Variants in CNTNAP3 observed in about 807,000 individuals in gnomAD.
CNTNAP3 encodes contactin associated protein family member 3, also known as contactin-associated protein-like 3.
CNTNAP3 carries 36 observed loss-of-function variants against 92.1 expected under a neutral mutation model. That is an observed-to-expected ratio of 0.39 (90% CI 0.30 to 0.52). CNTNAP3 has a LOEUF of 0.52. Among genes scored for constraint, CNTNAP3 ranks in the 20% least tolerant of loss-of-function variants. The pLI, the probability that CNTNAP3 is intolerant of heterozygous loss-of-function variation, is 0.76. For missense variants in CNTNAP3, 534 were observed against 1,069.6 expected (o/e 0.50, Z 6.98); for synonymous variants, 232 against 422.3 (o/e 0.55, Z 5.53).
rs568803072 is a variant in CNTNAP3, at chr9:39,165,571, GCTAA to G, written c.1477+358_1477+361del. On this transcript the variant is annotated intron_variant, in intron 9 of 23. Coordinates refer to ENST00000297668, the MANE Select transcript of CNTNAP3 (RefSeq NM_033655.5). Reference sequence around the variant, plus strand: ...AGTACGATTTGTTTTGTTTTTATGAGCTAACTGTTAGAAGTATAAATGGATTTAT... The same window carrying G: ...AGTACGATTTGTTTTGTTTTTATGAGCTGTTAGAAGTATAAATGGATTTAT... 1.2e-4 allele frequency among the ~76,000 whole-genome samples: 17 copies of G among 141,998 alleles called. 1 individual carries two copies. Among genetic ancestry groups the G allele is most frequent in the East Asian group, 6.3e-4 (3 of 4,796 alleles). The allele number at this position is 141,998 out of a possible 152,430, so 93.2% of individuals were successfully genotyped here. A position where few individuals can be genotyped will look rare whatever the true frequency, so the allele number is the denominator to read the frequency against.
At chr9:39,157,546 C>T (rs993819589) in intron 9 of CNTNAP3, among the ~76,000 whole-genome samples, 1 of 106,822 alleles carries the variant, frequency 9.4e-6, no homozygotes, top group Non-Finnish European at 2.1e-5. Context: ...CGGGGTTTCA[C>T]CATGTTAGCC....
rs1270860797 is a variant in CNTNAP3 at position 39,145,336 on chromosome 9, T to G, written c.1650-990A>C. 2.9e-5 allele frequency among the ~76,000 whole-genome samples: 4 copies of G among 137,920 alleles called. No homozygotes were observed. In the East Asian group the frequency reaches 9.0e-4, roughly 31 times the overall value. 90.5% of individuals were successfully genotyped at this position (137,920 alleles called of 152,430 possible). ...CTAAGGACCTGGTAAAGAGTGAAGA[T>G]TCTAAAGGACACTGACCTTCCAGGC... is the stretch of plus-strand genomic sequence containing the variant. On this transcript the variant is annotated intron_variant, in intron 10 of 23. Coordinates refer to ENST00000297668, the MANE Select transcript of CNTNAP3 (RefSeq NM_033655.5).
At chr9:39,104,739 G>A (rs951343226) in intron 15 of CNTNAP3, among the ~76,000 whole-genome samples, 1 of 151,938 alleles carries the variant, frequency 6.6e-6, no homozygotes, top group African/African-American at 2.4e-5. Flanking sequence ...TCCTCAACTT[G>A]GATTTGTCTG....
chr9:39,287,186 T>A, intron 1 of CNTNAP3, among the ~76,000 whole-genome samples: 1 of 54,444 alleles, frequency 1.8e-5, no homozygotes, highest in Non-Finnish European at 5.4e-5. Context: ...ACATTATGTT[T>A]TGCTCATCTG....
chr9:39,100,818 C>G lies in CNTNAP3; in HGVS notation c.2756-668G>C, dbSNP rs566766285. Among the ~76,000 whole-genome samples the G allele has an allele frequency of 8.8e-3, 1,304 of 148,966 alleles. 8 individuals carry two copies. Among genetic ancestry groups the G allele is most frequent in the Non-Finnish European group, 0.011 (742 of 67,370 alleles). ...AACCATTTAGAGAGGTTTACAACAC[C>G]TGTGTAGTGACAAACACCATTATGA... On this transcript the variant is annotated intron_variant, in intron 17 of 23. Coordinates refer to ENST00000297668, the MANE Select transcript of CNTNAP3 (RefSeq NM_033655.5).
chr9:39,068,287 G>C lies in CNTNAP3; in HGVS notation c.*5603C>G, dbSNP rs1483666931. 6.6e-6 allele frequency among the ~76,000 whole-genome samples: 1 copy of C among 152,192 alleles called. No individual in the cohort carries two copies. The highest frequency in any genetic ancestry group is 6.5e-5 in the Admixed American group (1 of 15,284). ...AAAAATTAGCTGGGCATGTTGGCTTGTGCCTGTAGTCCCAGCTACTCGGGA... is the reference window on the plus strand; with the variant it reads ...AAAAATTAGCTGGGCATGTTGGCTTCTGCCTGTAGTCCCAGCTACTCGGGA... On this transcript the variant is annotated 3_prime_UTR_variant, in exon 24 of 24. Coordinates refer to ENST00000297668, the MANE Select transcript of CNTNAP3 (RefSeq NM_033655.5).
At chr9:39,103,713 C>A (rs201118294) in intron 16 of CNTNAP3, 31 bp downstream of exon 16, 6 of 1,589,830 alleles carry the variant, frequency 3.8e-6, no homozygotes, top group Non-Finnish European at 5.1e-6. Flanking sequence ...ATAATGGGTA[C>A]CCTGTGACTT....
At chr9:39,168,204 A>G (rs894761146) in intron 8 of CNTNAP3, among the ~76,000 whole-genome samples, 2 of 142,526 alleles carry the variant, frequency 1.4e-5, no homozygotes, top group Non-Finnish European at 3.1e-5. Flanking sequence ...TTTTTAGTAG[A>G]GATGGGGTTT....
intron 10 of CNTNAP3, among the ~76,000 whole-genome samples, chr9:39,146,816 T>G (rs1160900795): frequency 6.6e-6 from 1 of 152,208 alleles, no homozygotes; most frequent in African/African-American, 2.4e-5. Context: ...AAAAGATAAC[T>G]TCATACCCCT....
At chr9:39,104,487 C>CAT (rs1383265872) in intron 15 of CNTNAP3, among the ~76,000 whole-genome samples, 1 of 132,880 alleles carries the variant, frequency 7.5e-6, no homozygotes, top group East Asian at 2.1e-4. Context: ...TACACACACA[C>CAT]ACACACACAC....
intron 18 of CNTNAP3, among the ~76,000 whole-genome samples, chr9:39,090,042 C>A (rs1356959293): frequency 2.0e-5 from 3 of 152,118 alleles, no homozygotes; most frequent in African/African-American, 7.2e-5. Flanking sequence ...TGGGTTCACA[C>A]CATTCTCCTG....
At chr9:39,136,130 AAATAATAAT>A (rs60137174) in intron 12 of CNTNAP3, among the ~76,000 whole-genome samples, 175 of 144,926 alleles carry the variant, frequency 1.2e-3, no homozygotes, top group African/African-American at 2.8e-3. Context: ...CTCTGTCTCA[AAATAATAAT>A]AATAATAATA....
At chr9:39,105,832 A>G (rs899861491) in intron 15 of CNTNAP3, among the ~76,000 whole-genome samples, 4 of 149,744 alleles carry the variant, frequency 2.7e-5, no homozygotes, top group African/African-American at 9.8e-5. Flanking sequence ...GTAGTCAGCT[A>G]GGAAATATGT....
rs530615187 is a variant in CNTNAP3, at chr9:39,137,662, G to A, written c.1876+2857C>T. ...CGAGTAGCTGGGACTACAGGCACCC[G>A]CCACTATGCCCAGCTAATTTTTTTT... On this transcript the variant is annotated intron_variant, in intron 12 of 23. Transcript: ENST00000297668. Among the ~76,000 whole-genome samples the A allele has an allele frequency of 3.9e-5, 6 of 151,928 alleles. No homozygotes were observed. The South Asian group carries it at 6.3e-4, about 16-fold the overall frequency.
At chr9:39,101,046 T>C (rs1271657124) in intron 17 of CNTNAP3, among the ~76,000 whole-genome samples, 1 of 148,506 alleles carries the variant, frequency 6.7e-6, no homozygotes, top group Admixed American at 6.7e-5. Flanking sequence ...AATTTTACGC[T>C]AATTGTGTTT....
In CNTNAP3 at chr9:39,092,782, T is replaced by C. The variant is rs1268974089; in HGVS notation, c.2996-4135A>G. ...TCTATTTTCTTGGTAATCTTCTGAG[T>C]AATTATCCTTTATTGTAAGTGAAGT... On this transcript the variant is annotated intron_variant, in intron 18 of 23. Transcript: ENST00000297668. Among the ~76,000 whole-genome samples, 2 of 136,072 alleles carry C rather than the reference T, an allele frequency of 1.5e-5. 1 individual carries two copies. Among genetic ancestry groups the C allele is most frequent in the Non-Finnish European group, 3.2e-5 (2 of 62,036 alleles). 89.3% of individuals were successfully genotyped at this position (136,072 alleles called of 152,430 possible).
intron 14 of CNTNAP3, among the ~76,000 whole-genome samples, chr9:39,115,016 AT>A (rs1398884685): frequency 6.6e-6 from 1 of 151,252 alleles, no homozygotes; most frequent in Non-Finnish European, 1.5e-5. Context: ...TTTTAAATAT[AT>A]TTGTTTTTAT....
chr9:39,085,335 T>C (rs1404128469), intron 21 of CNTNAP3: 3 of 196,914 alleles, frequency 1.5e-5, no homozygotes, highest in African/African-American at 7.3e-5. Flanking sequence ...AGATTACCAG[T>C]TTTTTCTCTT....
chr9:39,154,886 A>C (rs1237042212), intron 9 of CNTNAP3: 1 of 223,548 alleles, frequency 4.5e-6, no homozygotes, highest in Non-Finnish European at 8.9e-6. Context: ...GAAGACTAGC[A>C]GATCAGGCGG....
Sources: allele counts gnomAD v4.1 joint callset (sites outside exome capture counted in the v4.1 genomes callset), GRCh38; gene constraint gnomAD v4.1.1; transcripts MANE v1.5; gene names NCBI Gene and HGNC (gene_info 2026-07-23, HGNC 2026-07-21).